The following NONO variants were observed in gnomAD, a reference collection of about 807,000 sequenced individuals.
NONO encodes non-POU domain containing octamer binding.
A neutral mutation model predicts 40.2 loss-of-function variants in NONO; 6 were observed. The ratio of observed to expected loss-of-function variants is 0.15; its 90% CI spans 0.08 to 0.29. The LOEUF (loss-of-function observed/expected upper bound fraction) is 0.29, where lower values mean the gene tolerates loss of function less well. Among genes scored for constraint, NONO ranks in the 10% least tolerant of loss-of-function variants. The pLI, the probability that NONO is intolerant of heterozygous loss-of-function variation, is 1.00. For synonymous variants in NONO, 89 were observed against 123.3 expected (o/e 0.72, Z 1.85); for missense variants, 133 against 397.8 (o/e 0.33, Z 5.66).
intron 3 of NONO, among the ~76,000 whole-genome samples, chrX:71,291,218 G>C (rs1174460398): frequency 8.9e-6 from 1 of 111,950 alleles, no homozygotes; most frequent in African/African-American, 3.2e-5. Flanking sequence ...GTTCCTGTTT[G>C]AGTACCAATT....
At chrX:71,290,033 C>CT (rs1484903962) in intron 2 of NONO, among the ~76,000 whole-genome samples, 5 of 110,579 alleles carry the variant, frequency 4.5e-5, no homozygotes, top group Non-Finnish European at 9.5e-5. Context: ...TCCCAAAGTG[C>CT]TAGGATTACA....
intron 7 of NONO, 63 bp from the exon 8 acceptor site, chrX:71,297,314 G>A: frequency 9.8e-7 from 1 of 1,017,185 alleles, no homozygotes; most frequent in Non-Finnish European, 1.3e-6. Context: ...ATCTTTATTT[G>A]AAGAAAGTCA....
At chrX:71,286,079 A>G (rs890401213) in intron 2 of NONO, among the ~76,000 whole-genome samples, 1 of 111,579 alleles carries the variant, frequency 9.0e-6, no homozygotes, top group African/African-American at 3.2e-5. Flanking sequence ...TTGTATTTTT[A>G]TTTATTTTGG....
At chrX:71,284,545 A>G (rs1002093664) in intron 2 of NONO, 92 bp downstream of exon 2, 1 of 111,923 alleles carries the variant, frequency 8.9e-6, no homozygotes, top group Non-Finnish European at 1.9e-5. Flanking sequence ...ATTTTTAAGT[A>G]TATGTTGCAT....
At chrX:71,296,027 T>G (rs1402347962) in intron 5 of NONO, among the ~76,000 whole-genome samples, 2 of 111,553 alleles carry the variant, frequency 1.8e-5, no homozygotes, top group African/African-American at 6.5e-5. Flanking sequence ...TGTAGATGTT[T>G]AGGCTGTACT....
At chrX:71,292,067 G>A (rs889251609) in intron 4 of NONO, 95 bp downstream of exon 4, 32 of 575,526 alleles carry the variant, frequency 5.6e-5, no homozygotes, top group Non-Finnish European at 7.9e-5. Context: ...ATAATTCTCA[G>A]ATGATGTGTT....
In NONO at chrX:71,294,469, G is replaced by A. The variant is rs1303322565; in HGVS notation, c.591G>A (p.Gly197=). The A allele has an allele frequency of 3.3e-6, 4 of 1,211,749 alleles. No individual in the cohort carries two copies. Among genetic ancestry groups the A allele is most frequent in the South Asian group, 3.5e-5 (2 of 56,932 alleles). The part of the protein sequence containing the change: ...PSGKGIVEFS[G]KPAARKALDR... ...GAAAAGGCATTGTTGAGTTCTCAGG[G>A]AAGCCAGCTGCTCGGAAAGCTCTGG... Residue 197 remains glycine (G), a synonymous_variant, in exon 5 of 12, where the codon GGG becomes GGA. Coordinates refer to ENST00000276079, the MANE Select transcript of NONO (RefSeq NM_007363.5).
intron 4 of NONO, chrX:71,293,041 G>C (rs1475420844): frequency 8.9e-6 from 1 of 112,322 alleles, no homozygotes; most frequent in Non-Finnish European, 1.9e-5. Flanking sequence ...TTTAAAATCT[G>C]GTTCGATTTA....
At chrX:71,298,290 C>CT (rs2031496825) in intron 9 of NONO, 179 bp from the exon 10 acceptor site, 1 of 482,169 alleles carries the variant, frequency 2.1e-6, no homozygotes. Context: ...GGCTTACGTC[C>CT]TAGTAGCTCT....
intron 2 of NONO, among the ~76,000 whole-genome samples, chrX:71,284,825 C>CT (rs1199597116): frequency 8.9e-6 from 1 of 112,127 alleles, no homozygotes; most frequent in Non-Finnish European, 1.9e-5. Flanking sequence ...GGTCCTCTAC[C>CT]TAAACATTTG....
intron 5 of NONO, among the ~76,000 whole-genome samples, chrX:71,295,160 T>G (rs2031410454): frequency 9.5e-6 from 1 of 105,323 alleles, no homozygotes; most frequent in Admixed American, 1.0e-4. Flanking sequence ...AGGCAGAGGT[T>G]GCAGTGAGCC....
At chrX:71,292,770 G>A (rs927448788) in intron 4 of NONO, 1 of 111,995 alleles carries the variant, frequency 8.9e-6, no homozygotes, top group South Asian at 3.7e-4. Flanking sequence ...ACGGTGCCTG[G>A]TTTATTTGTA....
intron 1 of NONO, 188 bp downstream of exon 1, chrX:71,283,909 T>A (rs1030718369): frequency 8.9e-6 from 1 of 112,054 alleles, no homozygotes; most frequent in African/African-American, 3.2e-5. Context: ...CTTTCTCAAC[T>A]CGCTTCGCTT....
At chrX:71,288,456 A>G (rs1477996867) in intron 2 of NONO, among the ~76,000 whole-genome samples, 1 of 111,008 alleles carries the variant, frequency 9.0e-6, no homozygotes, top group Non-Finnish European at 1.9e-5. Context: ...CAATGGCACA[A>G]TCTCGGCTCA....
chrX:71,301,054 ATT>A lies in NONO; in HGVS notation c.*987_*988del. On this transcript the variant is annotated 3_prime_UTR_variant, in exon 12 of 12. Transcript: ENST00000276079. ...CCTATCTTAGGTAGTCATGCTGTGC[ATT>A]TTTTTTTTCATTGGTGTACTGTGTT... The A allele has an allele frequency of 7.2e-6, 1 of 139,560 alleles. No individual in the cohort carries two copies. Among genetic ancestry groups the A allele is most frequent in the East Asian group, 1.1e-4 (1 of 8,872 alleles). 11.5% of individuals were successfully genotyped at this position (139,560 alleles called of 1,213,427 possible).
intron 5 of NONO, among the ~76,000 whole-genome samples, chrX:71,295,556 G>A (rs1354901739): frequency 9.1e-6 from 1 of 110,464 alleles, no homozygotes; most frequent in Non-Finnish European, 1.9e-5. Context: ...ACTTCAGGAG[G>A]CTGAGGCGGG....
chrX:71,290,577 T>C (rs2031302109), intron 2 of NONO, 52 bp from the exon 3 acceptor site: 4 of 1,044,498 alleles, frequency 3.8e-6, no homozygotes, highest in Non-Finnish European at 5.3e-6. Flanking sequence ...GGAAGGTGGC[T>C]GATTGTGTTA....
In NONO at chrX:71,297,382, A is replaced by G; in HGVS notation, c.949A>G (p.Met317Val). The G allele has an allele frequency of 8.5e-7, 1 of 1,177,027 alleles. No homozygotes were observed. Among genetic ancestry groups the G allele is most frequent in the South Asian group, 1.9e-5 (1 of 53,098 alleles). Reference protein sequence around the residue: ...HQVMLMRQDLMRRQEELRRME... With the variant: ...HQVMLMRQDLVRRQEELRRME... ...TTAGTCTGTTGTTTTTTTAGATTTG[A>G]TGAGGCGCCAAGAAGAACTTCGGAG... The change falls in exon 8 of 12, where the codon ATG becomes GTG. Residue 317 changes from methionine to valine, a missense_variant. Met to Val is a conservative substitution (Grantham distance 21). Around this residue, in one of 3 missense-constraint regions of NONO, gnomAD observed 73 missense variants for 162.2 expected, o/e 0.45. Coordinates refer to ENST00000276079, the MANE Select transcript of NONO (RefSeq NM_007363.5).
chrX:71,297,492 A>C, intron 8 of NONO, 31 bp downstream of exon 8: 1 of 1,045,987 alleles, frequency 9.6e-7, no homozygotes, highest in African/African-American at 1.9e-5. Flanking sequence ...TTTCCCTAAC[A>C]ACTCTAAAAG....
Sources: allele counts gnomAD v4.1 joint callset (sites outside exome capture counted in the v4.1 genomes callset), GRCh38; gene constraint gnomAD v4.1.1; regional missense constraint gnomAD v4.1.1; transcripts MANE v1.5; gene names NCBI Gene and HGNC (gene_info 2026-07-23, HGNC 2026-07-21).